Variants in TLN2 observed in about 807,000 individuals in gnomAD.
The protein encoded by TLN2 is talin 2.
TLN2 carries 118 observed loss-of-function variants against 294.7 expected under a neutral mutation model. The observed-to-expected ratio is 0.40, with a 90% CI of 0.34 to 0.47. The LOEUF is 0.47. Ranked by LOEUF, TLN2 falls within the 20% of genes least tolerant of loss-of-function variation. The pLI, the probability that TLN2 is intolerant of heterozygous loss-of-function variation, is 0.84. For missense variants in TLN2, 3,083 were observed against 3,282.2 expected, an observed-to-expected ratio of 0.94 and a Z score of 1.48; for synonymous variants, 1,431 against 1,304.5, an observed-to-expected ratio of 1.10 and a Z score of -2.09.
chr15:62,761,928 G>C, intron 38 of TLN2, 107 bp downstream of exon 38: 1 of 1,438,040 alleles, frequency 7.0e-7, no homozygotes, highest in Non-Finnish European at 9.7e-7. Context: ...TCAACATGTA[G>C]GCTACTGTTA....
rs753490565 is a variant in TLN2, at chr15:62,708,529, G to T, written c.2200G>T (p.Val734Leu). 34 of 1,613,908 alleles carry T rather than the reference G, an allele frequency of 2.1e-5. No individual in the cohort carries two copies. Among genetic ancestry groups the T allele is most frequent in the African/African-American group, 2.7e-5 (2 of 74,924 alleles). ...TGTGAGCCCCACTATTAGCTCCCCT[G>T]TGTGCCAGGAGCAGCTGATTGAAGC... ...KVVSPTISSP[V>L]CQEQLIEAGK... is the part of the protein sequence containing the mutation. The change falls in exon 21 of 59, where the codon GTG becomes TTG. Residue 734 changes from valine (V) to leucine (L), a missense_variant. Physicochemically the swap from Val to Leu is conservative, Grantham distance 32. Transcript: ENST00000636159.
At chr15:62,739,635 A>C in intron 31 of TLN2, 90 bp downstream of exon 31, 3 of 1,479,278 alleles carry the variant, frequency 2.0e-6, no homozygotes, top group Non-Finnish European at 2.8e-6. Flanking sequence ...CAAATAGGAA[A>C]AGGAACCTGG....
At chr15:62,559,344 C>G (rs1307626088) in intron 1 of TLN2, among the ~76,000 whole-genome samples, 1 of 152,148 alleles carries the variant, frequency 6.6e-6, no homozygotes, top group Non-Finnish European at 1.5e-5. Context: ...TGGACTGAGC[C>G]TAGAGGAATT....
At chr15:62,611,658 C>G (rs76421735) in intron 2 of TLN2, among the ~76,000 whole-genome samples, 1 of 152,262 alleles carries the variant, frequency 6.6e-6, no homozygotes, top group South Asian at 2.1e-4. Flanking sequence ...TCCAGGCCCT[C>G]ACTACCCAGA....
Position 62,436,929 on chromosome 15 carries a change from A to G in TLN2, c.-238+46244A>G, listed in dbSNP as rs55747524. On this transcript the variant is annotated intron_variant, in intron 1 of 58. Transcript: ENST00000636159. ...TGTTTTGTAGAGACAGGGACTAACT[A>G]TTTTGCCCAGGATGGTCTCAGACTC... Among the ~76,000 whole-genome samples, 329 of 152,266 alleles carry G rather than the reference A, an allele frequency of 2.2e-3. 2 individuals carry two copies. The highest frequency in any genetic ancestry group is 7.6e-3 in the African/African-American group (315 of 41,568).
At chr15:62,606,220 T>G (rs766030610) in intron 2 of TLN2, among the ~76,000 whole-genome samples, 7 of 151,384 alleles carry the variant, frequency 4.6e-5, no homozygotes, top group Admixed American at 6.6e-5. Context: ...CAGCTGGGAC[T>G]ATAGGCACCC....
rs183760377 is a variant in TLN2, at chr15:62,799,818, A to C, written c.6235-550A>C. On this transcript the variant is annotated intron_variant, in intron 48 of 58. Transcript: ENST00000636159. ...CTCTGAGGACATGACATTTGAGTTAAGGCCCAAGTGATGGAAAGAGCTGAG... is the reference window on the plus strand; with the variant it reads ...CTCTGAGGACATGACATTTGAGTTACGGCCCAAGTGATGGAAAGAGCTGAG... 5.6e-4 allele frequency among the ~76,000 whole-genome samples: 86 copies of C among 152,374 alleles called. 1 individual carries two copies. The East Asian group carries it at 0.011, about 20-fold the overall frequency.
chr15:62,686,580 C>G, intron 11 of TLN2, 61 bp from the exon 12 acceptor site: 3 of 1,542,502 alleles, frequency 1.9e-6, no homozygotes, highest in Non-Finnish European at 2.6e-6. Flanking sequence ...ATCACTGATT[C>G]CCTGGCAAAG....
intron 1 of TLN2, among the ~76,000 whole-genome samples, chr15:62,564,191 G>C (rs954955702): frequency 6.6e-6 from 1 of 152,178 alleles, no homozygotes; most frequent in Non-Finnish European, 1.5e-5. Flanking sequence ...AGAATCCTTA[G>C]CCACACAGCT....
chr15:62,786,598 G>A (rs1289386033), intron 45 of TLN2, among the ~76,000 whole-genome samples: 1 of 152,294 alleles, frequency 6.6e-6, no homozygotes, highest in East Asian at 1.9e-4. Flanking sequence ...CAACAGCTTT[G>A]TCTCTGAGGA....
At chr15:62,416,387 A>G (rs1402642113) in intron 1 of TLN2, among the ~76,000 whole-genome samples, 1 of 152,206 alleles carries the variant, frequency 6.6e-6, no homozygotes, top group Non-Finnish European at 1.5e-5. Flanking sequence ...AAAGAACACA[A>G]TCTTATTATT....
chr15:62,610,456 C>T (rs2047828516), intron 2 of TLN2, among the ~76,000 whole-genome samples: 1 of 152,166 alleles, frequency 6.6e-6, no homozygotes, highest in African/African-American at 2.4e-5. Flanking sequence ...TTCATGGCCA[C>T]CAGCCTGAAC....
chr15:62,478,441 T>C (rs1245011315), intron 1 of TLN2, among the ~76,000 whole-genome samples: 2 of 152,122 alleles, frequency 1.3e-5, no homozygotes, highest in African/African-American at 4.8e-5. Flanking sequence ...TATAGCACTG[T>C]GGCTCCTTGA....
At chr15:62,499,304 G>A (rs2039179302) in intron 1 of TLN2, among the ~76,000 whole-genome samples, 1 of 152,088 alleles carries the variant, frequency 6.6e-6, no homozygotes, top group Non-Finnish European at 1.5e-5. Context: ...ACGAAAATTA[G>A]CCAGGCGTGG....
chr15:62,748,917 T>C (rs2061766102), intron 33 of TLN2, among the ~76,000 whole-genome samples: 1 of 152,226 alleles, frequency 6.6e-6, no homozygotes. Flanking sequence ...ATCCTAGGAC[T>C]AACAGTACTT....
At chr15:62,823,893 C>A in intron 54 of TLN2, 4 of 479,360 alleles carry the variant, frequency 8.3e-6, no homozygotes, top group South Asian at 6.4e-5. Context: ...GTGACCACCC[C>A]CTGCAGCCGT....
chr15:62,439,398 C>T (rs184521551), intron 1 of TLN2, among the ~76,000 whole-genome samples: 18 of 152,198 alleles, frequency 1.2e-4, no homozygotes, highest in Admixed American at 6.5e-4. Flanking sequence ...CTGCACCCTC[C>T]GCCTCCTGGG....
intron 1 of TLN2, among the ~76,000 whole-genome samples, chr15:62,484,250 G>T (rs2038261127): frequency 1.3e-5 from 2 of 152,160 alleles, no homozygotes; most frequent in Admixed American, 1.3e-4. Context: ...ACTGGTGTCT[G>T]CCAATGACTT....
At chr15:62,507,844 A>G (rs574173047) in intron 1 of TLN2, among the ~76,000 whole-genome samples, 4 of 152,228 alleles carry the variant, frequency 2.6e-5, no homozygotes, top group Non-Finnish European at 5.9e-5. Flanking sequence ...AGGAAGATGT[A>G]TGGGACTCTA....
Sources: allele counts gnomAD v4.1 joint callset (sites outside exome capture counted in the v4.1 genomes callset), GRCh38; gene constraint gnomAD v4.1.1; transcripts MANE v1.5; gene names NCBI Gene and HGNC (gene_info 2026-07-23, HGNC 2026-07-21).